The following EYS variants were observed in gnomAD, a reference collection of about 807,000 sequenced individuals.
The protein encoded by EYS is protein eyes shut homolog.
A neutral mutation model predicts 282.1 loss-of-function variants in EYS; 250 were observed. That is an observed-to-expected ratio of 0.89 (90% confidence interval 0.80 to 0.98). The LOEUF is 0.98. EYS is among the 50% of genes least tolerant of loss of function. EYS has a pLI of 0.00. For synonymous variants in EYS, 1,355 were observed against 1,282.9 expected (o/e 1.06, Z -1.20); for missense variants, 4,016 against 3,709.0 (o/e 1.08, Z -2.15).
At chr6:64,624,325 T>C (rs1281675534) in intron 23 of EYS, among the ~76,000 whole-genome samples, 1 of 152,180 alleles carries the variant, frequency 6.6e-6, no homozygotes, top group African/African-American at 2.4e-5. Flanking sequence ...ATGAATCTAG[T>C]AGTTACAAGA....
chr6:65,557,592 T>A (rs1768866525), intron 2 of EYS, among the ~76,000 whole-genome samples: 1 of 152,010 alleles, frequency 6.6e-6, no homozygotes. Context: ...AGCTCTGAGG[T>A]CTGGGCTCCC....
At chr6:65,648,444 G>A (rs1195008295) in intron 1 of EYS, among the ~76,000 whole-genome samples, 1 of 151,948 alleles carries the variant, frequency 6.6e-6, no homozygotes, top group Non-Finnish European at 1.5e-5. Context: ...TCTAAGTGAA[G>A]TAACTCAGGA....
chr6:63,863,675 C>CTTTTTTT lies in EYS; in HGVS notation c.7228+504_7228+510dup, dbSNP rs1284326554. Among the ~76,000 whole-genome samples, 165 of 60,034 alleles carry CTTTTTTT rather than the reference C, an allele frequency of 2.7e-3. 20 individuals carry two copies. The highest frequency in any genetic ancestry group is 8.6e-3 in the Middle Eastern group (1 of 116). The allele number at this position is 60,034 out of a possible 152,430, so 39.4% of individuals were successfully genotyped here. Reference sequence around the variant, plus strand: ...TTTCTTTTCTTTTCTTTTCTTTTTTCTTTTTTTTTTTTTTTTTTGAGATGG... The same window carrying CTTTTTTT: ...TTTCTTTTCTTTTCTTTTCTTTTTTCTTTTTTTTTTTTTTTTTTTTTTTTTGAGATGG... On this transcript the variant is annotated intron_variant, in intron 36 of 42. Transcript: ENST00000503581.
At chr6:65,660,148 G>C (rs899584490) in intron 1 of EYS, among the ~76,000 whole-genome samples, 6 of 151,772 alleles carry the variant, frequency 4.0e-5, no homozygotes, top group Admixed American at 6.6e-5. Context: ...AGAACCTTTT[G>C]AGCATTGAGT....
rs1384787575 is a variant in EYS at position 63,762,570 on chromosome 6, A to G, written c.7962T>C (p.Pro2654=). ...TACAGTGGTGTGGAGGGTCATGTTC[A>G]GGATCACAGGTAGAAACTGTCTCTG... ...FCTETVSTCD[P]EHDPPHHCSR... The change falls in exon 41 of 43, where the codon CCT becomes CCC. Residue 2654 remains proline (P), a synonymous_variant. Transcript: ENST00000503581. 1.9e-6 allele frequency: 3 copies of G among 1,550,376 alleles called. No homozygotes were observed. Among genetic ancestry groups the G allele is most frequent in the Non-Finnish European group, 1.7e-6 (2 of 1,146,166 alleles).
At chr6:64,285,843 A>G (rs1768480448) in intron 30 of EYS, among the ~76,000 whole-genome samples, 1 of 152,076 alleles carries the variant, frequency 6.6e-6, no homozygotes, top group Non-Finnish European at 1.5e-5. Flanking sequence ...CTACCATGAG[A>G]ACAGTATGGG....
At chr6:64,551,225 T>C (rs1272238326) in intron 26 of EYS, among the ~76,000 whole-genome samples, 1 of 149,882 alleles carries the variant, frequency 6.7e-6, no homozygotes, top group Non-Finnish European at 1.5e-5. Context: ...TACATATATA[T>C]ATGCAGTAAC....
intron 14 of EYS, among the ~76,000 whole-genome samples, chr6:64,962,150 AGTAT>A: frequency 6.6e-6 from 1 of 151,830 alleles, no homozygotes; most frequent in Non-Finnish European, 1.5e-5. Context: ...TATTCTTCTC[AGTAT>A]TTCTCGGTTA....
intron 14 of EYS, among the ~76,000 whole-genome samples, chr6:64,963,130 T>G (rs553811701): frequency 6.6e-6 from 1 of 152,282 alleles, no homozygotes; most frequent in East Asian, 1.9e-4. Flanking sequence ...TCTCTCTAGG[T>G]GTAGTAAGCT....
chr6:64,247,727 A>G (rs942384331), intron 30 of EYS, among the ~76,000 whole-genome samples: 6 of 152,180 alleles, frequency 3.9e-5, no homozygotes, highest in Non-Finnish European at 8.8e-5. Flanking sequence ...ATGTACTAAT[A>G]TAATTTAATT....
At chr6:64,271,435 T>A (rs1272973653) in intron 30 of EYS, among the ~76,000 whole-genome samples, 1 of 152,060 alleles carries the variant, frequency 6.6e-6, no homozygotes, top group African/African-American at 2.4e-5. Flanking sequence ...CTTTAAAAGG[T>A]TTTTTTGGGA....
rs1276419490 is a variant in EYS, at chr6:65,206,162, A to G, written c.2023+89701T>C. ...AGATAGTTTAACCAAAAAAAGACAG[A>G]AGACTCAGATAAGCACAATCATAAA... On this transcript the variant is annotated intron_variant, in intron 12 of 42. Transcript: ENST00000503581. Among the ~76,000 whole-genome samples the G allele has an allele frequency of 5.9e-5, 9 of 151,950 alleles. No individual in the cohort carries two copies. In the East Asian group the frequency reaches 1.7e-3, roughly 29 times the overall value.
At chr6:64,550,501 A>G (rs946155516) in intron 26 of EYS, among the ~76,000 whole-genome samples, 5 of 152,180 alleles carry the variant, frequency 3.3e-5, no homozygotes, top group African/African-American at 1.2e-4. Flanking sequence ...TCCACAGCCA[A>G]TATCATACTG....
rs561258041 is a variant in EYS at position 65,403,832 on chromosome 6, A to G, written c.1057-1227T>C. Reference sequence around the variant, plus strand: ...GATTCTTTTAACTAGTAAAGTTATAACATGTGTTCAATTGTTCATTATTGT... The same window carrying G: ...GATTCTTTTAACTAGTAAAGTTATAGCATGTGTTCAATTGTTCATTATTGT... On this transcript the variant is annotated intron_variant, in intron 6 of 42. Transcript: ENST00000503581. Among the ~76,000 whole-genome samples, 623 of 152,210 alleles carry G rather than the reference A, an allele frequency of 4.1e-3. 5 individuals carry two copies. Among genetic ancestry groups the G allele is most frequent in the African/African-American group, 0.014 (590 of 41,568 alleles).
intron 11 of EYS, among the ~76,000 whole-genome samples, chr6:65,309,351 C>G (rs1769094368): frequency 1.3e-5 from 2 of 152,116 alleles, no homozygotes. Context: ...GAATTCAAAA[C>G]CAACACTATA....
chr6:64,295,117 G>A (rs1456237852), intron 30 of EYS, among the ~76,000 whole-genome samples: 1 of 151,500 alleles, frequency 6.6e-6, no homozygotes, highest in Admixed American at 6.6e-5. Flanking sequence ...GCTCACGCCT[G>A]TAACCCCAGC....
rs1460029312 is a variant in EYS, at chr6:65,655,625, T to C, written c.-447-15733A>G. On this transcript the variant is annotated intron_variant, in intron 1 of 42. Transcript: ENST00000503581. ...CTTTTAAAATAGGCCTACTTTGTTTTATTGTGCTTTGCTGATGCTGTGTGT... is the reference window on the plus strand; with the variant it reads ...CTTTTAAAATAGGCCTACTTTGTTTCATTGTGCTTTGCTGATGCTGTGTGT... 3.3e-5 allele frequency among the ~76,000 whole-genome samples: 5 copies of C among 151,830 alleles called. No individual in the cohort carries two copies. In the East Asian group the frequency reaches 9.7e-4, roughly 29 times the overall value.
chr6:65,599,736 C>T (rs77154807), intron 2 of EYS, among the ~76,000 whole-genome samples: 10,874 of 152,088 alleles, frequency 0.071, 542 homozygotes, highest in Non-Finnish European at 0.11. Flanking sequence ...AATGTTTAGT[C>T]TCCCAGACAC....
intron 12 of EYS, among the ~76,000 whole-genome samples, chr6:65,237,394 G>A (rs551225175): frequency 3.2e-4 from 48 of 152,230 alleles, no homozygotes; most frequent in Non-Finnish European, 6.3e-4. Context: ...GAATAGTATA[G>A]GTTTGTATCA....
Sources: allele counts gnomAD v4.1 joint callset (sites outside exome capture counted in the v4.1 genomes callset), GRCh38; gene constraint gnomAD v4.1.1; transcripts MANE v1.5; gene names NCBI Gene and HGNC (gene_info 2026-07-23, HGNC 2026-07-21).